Variants in KIAA0319L observed in about 807,000 individuals in gnomAD.
KIAA0319L encodes KIAA0319 like.
KIAA0319L carries 55 observed loss-of-function variants against 120.1 expected under a neutral mutation model. The ratio of observed to expected loss-of-function variants is 0.46; its 90% CI spans 0.37 to 0.57. The LOEUF (loss-of-function observed/expected upper bound fraction) is 0.57, where lower values mean the gene tolerates loss of function less well. Ranked by LOEUF, KIAA0319L falls within the 20% of genes least tolerant of loss-of-function variation. The probability of loss-of-function intolerance (pLI) is 0.00; values close to 1 mark genes in which losing one functional copy is unlikely to be tolerated. For synonymous variants in KIAA0319L, 398 were observed against 471.9 expected, an observed-to-expected ratio of 0.84 and a Z score of 2.03; for missense variants, 1,049 against 1,255.3, an observed-to-expected ratio of 0.84 and a Z score of 2.48.
intron 2 of KIAA0319L, among the ~76,000 whole-genome samples, chr1:35,538,417 C>T (rs1350350482): frequency 1.3e-5 from 2 of 151,520 alleles, no homozygotes; most frequent in Non-Finnish European, 1.5e-5. Context: ...ACAGTGAAAC[C>T]CCATCTCTAC....
In KIAA0319L at chr1:35,494,517, G is replaced by A. The variant is rs567898178; in HGVS notation, c.666+12095C>T. Among the ~76,000 whole-genome samples, 19 of 152,044 alleles carry A rather than the reference G, an allele frequency of 1.2e-4. 1 individual carries two copies. In the South Asian group the frequency reaches 3.7e-3, roughly 30 times the overall value. On this transcript the variant is annotated intron_variant, in intron 3 of 20. Transcript: ENST00000325722. ...TATATTACAAAGCTAGAGTTAGGCCGGGTGTGGTGGCTCACGCCTATAATC... is the reference window on the plus strand; with the variant it reads ...TATATTACAAAGCTAGAGTTAGGCCAGGTGTGGTGGCTCACGCCTATAATC...
rs1304719606 is a variant in KIAA0319L at position 35,506,142 on chromosome 1, G to C, written c.666+470C>G. Among the ~76,000 whole-genome samples the C allele has an allele frequency of 6.6e-6, 1 of 152,180 alleles. No homozygotes were observed. Among genetic ancestry groups the C allele is most frequent in the Non-Finnish European group, 1.5e-5 (1 of 68,022 alleles). ...GCTAATGGCCACATCCTGCTCCACA[G>C]CCCAGCAGGTCAGATCTTAATCTGT... On this transcript the variant is annotated intron_variant, in intron 3 of 20. Coordinates refer to ENST00000325722, the MANE Select transcript of KIAA0319L (RefSeq NM_024874.5). This position sits in a 1 kb window ranked among gnomAD's most constrained non-coding sequence, Gnocchi z 4.0.
intron 2 of KIAA0319L, among the ~76,000 whole-genome samples, chr1:35,552,325 G>A (rs1297459734): frequency 6.6e-6 from 1 of 151,886 alleles, no homozygotes; most frequent in Admixed American, 6.5e-5. Flanking sequence ...CCAGCCTGGT[G>A]ACAGAGTGAG....
Position 35,547,442 on chromosome 1 carries a change from G to A in KIAA0319L, c.142+6908C>T, listed in dbSNP as rs144253029. Among the ~76,000 whole-genome samples the A allele has an allele frequency of 3.3e-3, 506 of 151,866 alleles. 2 individuals carry two copies. Among genetic ancestry groups the A allele is most frequent in the Non-Finnish European group, 4.6e-3 (316 of 67,962 alleles). ...TTCACACAAAAATGTATACATAAATGTTAAGAGCAACATTGTTCATAATAG... is the reference window on the plus strand; with the variant it reads ...TTCACACAAAAATGTATACATAAATATTAAGAGCAACATTGTTCATAATAG... On this transcript the variant is annotated intron_variant, in intron 2 of 20. Transcript: ENST00000325722.
chr1:35,557,282 C>A lies in KIAA0319L; in HGVS notation c.-104G>T. 4.4e-6 allele frequency: 1 copy of A among 227,220 alleles called. No homozygotes were observed. The highest frequency in any genetic ancestry group is 4.4e-5 in the South Asian group (1 of 22,976). The allele number at this position is 227,220 out of a possible 1,614,324, so 14.1% of individuals were successfully genotyped here. On this transcript the variant is annotated 5_prime_UTR_variant, in exon 1 of 21. Coordinates refer to ENST00000325722, the MANE Select transcript of KIAA0319L (RefSeq NM_024874.5). ...CCTCCTGGTCCATGGGCTCGGGGAC[C>A]CCCAACCTTCGCTCCCCTCACCCGG... is the stretch of plus-strand genomic sequence containing the variant.
At position 35,507,125 on chromosome 1, in the gene KIAA0319L, C is replaced by G. The variant is rs1376545473; in HGVS notation, c.153G>C (p.Glu51Asp). The change falls in exon 3 of 21, where the codon GAG becomes GAC. Residue 51 changes from glutamate (E) to aspartate (D), a missense_variant. Coordinates refer to ENST00000325722, the MANE Select transcript of KIAA0319L (RefSeq NM_024874.5). ...GTGTCTTCCCCTGCTGGCACCTGCT[C>G]TCACTGGCATCTAAAAACAAAGAAT... Reference protein sequence around the residue: ...SVLWLSTDASESRCQQGKTQF... With the variant: ...SVLWLSTDASDSRCQQGKTQF... 6.6e-7 allele frequency: 1 copy of G among 1,522,124 alleles called. No homozygotes were observed. The highest frequency in any genetic ancestry group is 1.4e-5 in the African/African-American group (1 of 71,696). The allele number at this position is 1,522,124 out of a possible 1,614,324, so 94.3% of individuals were successfully genotyped here.
intron 2 of KIAA0319L, among the ~76,000 whole-genome samples, chr1:35,515,113 G>A (rs1323514054): frequency 1.3e-5 from 2 of 152,104 alleles, no homozygotes; most frequent in African/African-American, 4.8e-5. Context: ...AGGAGTTTGA[G>A]GCCAGCCTGG....
At chr1:35,454,254 G>T in intron 11 of KIAA0319L, 108 bp downstream of exon 11, 1 of 1,132,404 alleles carries the variant, frequency 8.8e-7, no homozygotes, top group Non-Finnish European at 1.3e-6. Context: ...TCTATGGATC[G>T]GTGCCTTCTG....
intron 15 of KIAA0319L, 85 bp from the exon 16 acceptor site, chr1:35,448,417 G>T (rs908058785): frequency 2.4e-6 from 3 of 1,254,822 alleles, no homozygotes; most frequent in Non-Finnish European, 3.4e-6. Flanking sequence ...TGGCACAGGA[G>T]AGAAAGGAGT....
At chr1:35,499,434 T>C (rs1013052973) in intron 3 of KIAA0319L, among the ~76,000 whole-genome samples, 3 of 152,160 alleles carry the variant, frequency 2.0e-5, no homozygotes, top group African/African-American at 7.2e-5. Flanking sequence ...GCAGTGTCTA[T>C]GCAGACTGGC....
chr1:35,448,226 C>G lies in KIAA0319L; in HGVS notation c.2460G>C (p.Gly820=). The G allele has an allele frequency of 6.2e-7, 1 of 1,614,078 alleles. No individual in the cohort carries two copies. Among genetic ancestry groups the G allele is most frequent in the Non-Finnish European group, 8.5e-7 (1 of 1,179,986 alleles). ...GCACAATGATGTCGGAATCCAGCAC[C>G]CCCAGGAGGACCCCAATCTGGCGGA... ...MFIRQIGVLL[G]VLDSDIIVQK... The change falls in exon 16 of 21, where the codon GGG becomes GGC. Residue 820 remains glycine, a synonymous_variant. Coordinates refer to ENST00000325722, the MANE Select transcript of KIAA0319L (RefSeq NM_024874.5).
intron 2 of KIAA0319L, among the ~76,000 whole-genome samples, chr1:35,532,897 G>T (rs1646427689): frequency 6.6e-6 from 1 of 152,166 alleles, no homozygotes; most frequent in Non-Finnish European, 1.5e-5. Flanking sequence ...TAGCAAAGCA[G>T]AGAAAGCAGT....
chr1:35,519,202 A>T (rs1645810918), intron 2 of KIAA0319L, among the ~76,000 whole-genome samples: 1 of 152,200 alleles, frequency 6.6e-6, no homozygotes, highest in Non-Finnish European at 1.5e-5. Context: ...TTTTGAGAGG[A>T]AAATAAATCG....
At chr1:35,508,903 A>G (rs377173511) in intron 2 of KIAA0319L, among the ~76,000 whole-genome samples, 20 of 152,320 alleles carry the variant, frequency 1.3e-4, no homozygotes, top group African/African-American at 4.3e-4. Flanking sequence ...TAAAAATGCA[A>G]TACAACTTCC....
chr1:35,500,575 G>A (rs1413008193), intron 3 of KIAA0319L, among the ~76,000 whole-genome samples: 2 of 152,238 alleles, frequency 1.3e-5, no homozygotes, highest in Non-Finnish European at 2.9e-5. Context: ...TGCCTTTGCA[G>A]CTCTGCAGGC....
At position 35,484,792 on chromosome 1, in the gene KIAA0319L, ATATATATATATATATT is replaced by A. The variant is rs1159209708; in HGVS notation, c.667-5596_667-5581del. Among the ~76,000 whole-genome samples, 74 of 50,184 alleles carry A rather than the reference ATATATATATATATATT, an allele frequency of 1.5e-3. 1 individual carries two copies. Among genetic ancestry groups the A allele is most frequent in the African/African-American group, 7.0e-3 (64 of 9,136 alleles). 32.9% of individuals were successfully genotyped at this position (50,184 alleles called of 152,430 possible). On this transcript the variant is annotated intron_variant, in intron 3 of 20. Coordinates refer to ENST00000325722, the MANE Select transcript of KIAA0319L (RefSeq NM_024874.5). ...CATATATATATATATATATATATAT[ATATATATATATATATT>A]TTTTTTTTTATTATACTCTAAGTTT...
intron 4 of KIAA0319L, 95 bp downstream of exon 4, chr1:35,478,871 C>G: frequency 7.1e-7 from 1 of 1,416,370 alleles, no homozygotes. Context: ...ACACAGTATT[C>G]AAGTTATGCC....
Position 35,543,579 on chromosome 1 carries a change from C to T in KIAA0319L, c.142+10771G>A, listed in dbSNP as rs941519842. 2.0e-5 allele frequency among the ~76,000 whole-genome samples: 3 copies of T among 152,182 alleles called. No individual in the cohort carries two copies. The East Asian group carries it at 5.8e-4, about 29-fold the overall frequency. Reference sequence around the variant, plus strand: ...ATACCATTCTCTTAAAGGAAAAAGACACCACTGGCTCTGACTGGTACAACA... The same window carrying T: ...ATACCATTCTCTTAAAGGAAAAAGATACCACTGGCTCTGACTGGTACAACA... On this transcript the variant is annotated intron_variant, in intron 2 of 20. Coordinates refer to ENST00000325722, the MANE Select transcript of KIAA0319L (RefSeq NM_024874.5).
In KIAA0319L at chr1:35,456,069, T is replaced by A; in HGVS notation, c.1600A>T (p.Thr534Ser). The A allele has an allele frequency of 6.2e-7, 1 of 1,614,124 alleles. No individual in the cohort carries two copies. Among genetic ancestry groups the A allele is most frequent in the East Asian group, 2.2e-5 (1 of 44,868 alleles). ...GGGCTGAGTGACCACTCATAGCTGG[T>A]GATGCCATGATCATCAGTGCTCTGG... ...GNQSTDDHGI[T>S]SYEWSLSPSS... Residue 534 changes from threonine (T) to serine (S), a missense_variant, in exon 10 of 21, where the codon ACC becomes TCC. Coordinates refer to ENST00000325722, the MANE Select transcript of KIAA0319L (RefSeq NM_024874.5).
Sources: gnomAD v4.1 joint callset for allele counts (sites outside exome capture counted in the v4.1 genomes callset) on GRCh38, gnomAD v4.1.1 for gene constraint, Gnocchi (gnomAD v3.1) non-coding constraint, MANE v1.5 for transcripts, NCBI Gene and HGNC (gene_info 2026-07-23, HGNC 2026-07-21) for gene names.